HS6ST3: variants seen among roughly 807,000 people sequenced by gnomAD.
HS6ST3 encodes heparan-sulfate 6-O-sulfotransferase 3.
A neutral mutation model predicts 36.7 loss-of-function variants in HS6ST3; 12 were observed. The observed-to-expected ratio is 0.33, with a 90% CI of 0.21 to 0.53. The LOEUF (loss-of-function observed/expected upper bound fraction) is 0.53, where lower values mean the gene tolerates loss of function less well. HS6ST3 is among the 20% of genes least tolerant of loss of function. The pLI, the probability that HS6ST3 is intolerant of heterozygous loss-of-function variation, is 0.95. For synonymous variants in HS6ST3, 240 were observed against 257.5 expected, an observed-to-expected ratio of 0.93 and a Z score of 0.65; for missense variants, 584 against 640.9, an observed-to-expected ratio of 0.91 and a Z score of 0.96.
intron 1 of HS6ST3, among the ~76,000 whole-genome samples, chr13:96,602,434 T>C (rs1233529817): frequency 6.6e-6 from 1 of 152,190 alleles, no homozygotes; most frequent in Non-Finnish European, 1.5e-5. Context: ...GCTGGGAAAT[T>C]CCTGTAGCCA....
chr13:96,818,673 T>A (rs979276949), intron 1 of HS6ST3, among the ~76,000 whole-genome samples: 6 of 152,198 alleles, frequency 3.9e-5, no homozygotes, highest in African/African-American at 1.4e-4. Flanking sequence ...GTTACAACAC[T>A]TGGTTGGGAG....
intron 1 of HS6ST3, among the ~76,000 whole-genome samples, chr13:96,380,076 T>A (rs1382699900): frequency 1.3e-5 from 2 of 152,142 alleles, no homozygotes; most frequent in Non-Finnish European, 2.9e-5. Flanking sequence ...CCTTTCCACA[T>A]CCTTGATAGG....
chr13:96,543,069 T>C (rs2138943363), intron 1 of HS6ST3, among the ~76,000 whole-genome samples: 1 of 152,310 alleles, frequency 6.6e-6, no homozygotes, highest in South Asian at 2.1e-4. Flanking sequence ...TCACATACCA[T>C]GTCCCTATCT....
chr13:96,265,876 T>G (rs752686120), intron 1 of HS6ST3, among the ~76,000 whole-genome samples: 2 of 152,180 alleles, frequency 1.3e-5, no homozygotes, highest in African/African-American at 4.8e-5. Flanking sequence ...AATAAAAATA[T>G]CTGGCTTCAA....
intron 1 of HS6ST3, among the ~76,000 whole-genome samples, chr13:96,618,361 A>G (rs900174658): frequency 6.6e-6 from 1 of 152,124 alleles, no homozygotes; most frequent in Non-Finnish European, 1.5e-5. Flanking sequence ...TTGGCCTCCC[A>G]AAGACTAGAG....
At chr13:96,120,589 C>G (rs1019225358) in intron 1 of HS6ST3, among the ~76,000 whole-genome samples, 1 of 151,952 alleles carries the variant, frequency 6.6e-6, no homozygotes, top group African/African-American at 2.4e-5. Context: ...AACTTTATTT[C>G]CTTTATTATA....
intron 1 of HS6ST3, among the ~76,000 whole-genome samples, chr13:96,571,235 T>C (rs942409123): frequency 6.6e-6 from 1 of 152,356 alleles, no homozygotes; most frequent in South Asian, 2.1e-4. Flanking sequence ...TGATCAGTTA[T>C]TTGTTGGTCT....
chr13:96,669,775 T>A (rs1443504805), intron 1 of HS6ST3, among the ~76,000 whole-genome samples: 2 of 152,176 alleles, frequency 1.3e-5, no homozygotes, highest in Non-Finnish European at 2.9e-5. Context: ...ATAAAGACCC[T>A]CTGTTCTAAG....
At chr13:96,108,463 G>A (rs2053852733) in intron 1 of HS6ST3, among the ~76,000 whole-genome samples, 1 of 152,060 alleles carries the variant, frequency 6.6e-6, no homozygotes, top group African/African-American at 2.4e-5. Flanking sequence ...ATATTTTATT[G>A]CCCTTGAAGC....
chr13:96,117,665 G>C (rs527676786), intron 1 of HS6ST3, among the ~76,000 whole-genome samples: 10 of 152,260 alleles, frequency 6.6e-5, no homozygotes, highest in Non-Finnish European at 1.3e-4. Context: ...AGGAGGGGTA[G>C]GCTTAGAGCA....
chr13:96,504,823 T>C (rs1384735254), intron 1 of HS6ST3, among the ~76,000 whole-genome samples: 1 of 152,164 alleles, frequency 6.6e-6, no homozygotes, highest in Non-Finnish European at 1.5e-5. Flanking sequence ...CTTATAAAAA[T>C]ATATAAAATG....
intron 1 of HS6ST3, among the ~76,000 whole-genome samples, chr13:96,114,853 G>A (rs1334818936): frequency 2.0e-5 from 3 of 152,212 alleles, no homozygotes; most frequent in Non-Finnish European, 4.4e-5. Flanking sequence ...TGTTGGGAGC[G>A]AAGCTATTGA....
intron 1 of HS6ST3, among the ~76,000 whole-genome samples, chr13:96,173,047 A>G (rs2054195645): frequency 6.6e-6 from 1 of 152,192 alleles, no homozygotes; most frequent in South Asian, 2.1e-4. Flanking sequence ...GTAGAACCCT[A>G]TTCTCAAGAA....
intron 1 of HS6ST3, among the ~76,000 whole-genome samples, chr13:96,646,477 T>C (rs547742706): frequency 6.6e-6 from 1 of 152,100 alleles, no homozygotes; most frequent in Middle Eastern, 3.4e-3. Flanking sequence ...TACTATAAGA[T>C]GGCAAATGGA....
At chr13:96,485,098 A>T (rs1016963418) in intron 1 of HS6ST3, among the ~76,000 whole-genome samples, 4 of 152,136 alleles carry the variant, frequency 2.6e-5, no homozygotes, top group Non-Finnish European at 1.5e-5. Context: ...AAACCTTAGA[A>T]TCAGTTTATC....
At chr13:96,471,331 C>T (rs2055839266) in intron 1 of HS6ST3, among the ~76,000 whole-genome samples, 1 of 152,182 alleles carries the variant, frequency 6.6e-6, no homozygotes, top group Non-Finnish European at 1.5e-5. Flanking sequence ...TTTCCTTCTT[C>T]TCAGCATCCT....
chr13:96,656,992 T>TGAGAGA (rs1488139349), intron 1 of HS6ST3, among the ~76,000 whole-genome samples: 3 of 137,190 alleles, frequency 2.2e-5, no homozygotes, highest in African/African-American at 8.4e-5. Context: ...TGTGTGTGTG[T>TGAGAGA]GTGTGTGAGA....
At position 96,610,863 on chromosome 13, in the gene HS6ST3, AAC is replaced by A. The variant is rs535982942; in HGVS notation, c.708-221625_708-221624del. ...TGTGCTGAAAAAAATGAAAAAAAAAAACAAAAAACAAAACAACCCCACAACTT... is the reference window on the plus strand; with the variant it reads ...TGTGCTGAAAAAAATGAAAAAAAAAAAAAAAACAAAACAACCCCACAACTT... On this transcript the variant is annotated intron_variant, in intron 1 of 1. Transcript: ENST00000376705. Among the ~76,000 whole-genome samples, 937 of 151,550 alleles carry A rather than the reference AAC, an allele frequency of 6.2e-3. 11 individuals carry two copies. Among genetic ancestry groups the A allele is most frequent in the African/African-American group, 0.022 (901 of 41,382 alleles).
At chr13:96,800,274 A>G (rs1288318189) in intron 1 of HS6ST3, among the ~76,000 whole-genome samples, 1 of 150,726 alleles carries the variant, frequency 6.6e-6, no homozygotes, top group Admixed American at 6.6e-5. Context: ...CTGCAATTTC[A>G]CTTCATTTCT....
Sources: gnomAD v4.1 joint callset for allele counts (sites outside exome capture counted in the v4.1 genomes callset) on GRCh38, gnomAD v4.1.1 for gene constraint, MANE v1.5 for transcripts, NCBI Gene and HGNC (gene_info 2026-07-23, HGNC 2026-07-21) for gene names.